Variants in INPP5A observed in about 807,000 individuals in gnomAD.
INPP5A encodes the protein inositol polyphosphate-5-phosphatase A, also known as 43 kDa inositol polyphosphate 5-phophatase.
In INPP5A, 14 loss-of-function variants were observed where a neutral mutation model predicts 65.2. The observed-to-expected ratio is 0.21, with a 90% CI of 0.14 to 0.34. The LOEUF is 0.34. Ranked by LOEUF, INPP5A falls within the 10% of genes least tolerant of loss-of-function variation. The pLI, the probability that INPP5A is intolerant of heterozygous loss-of-function variation, is 1.00. For missense variants in INPP5A, 431 were observed against 545.6 expected, an observed-to-expected ratio of 0.79 and a Z score of 2.09; for synonymous variants, 207 against 208.3, an observed-to-expected ratio of 0.99 and a Z score of 0.05.
chr10:132,601,631 A>T (rs1590859502), intron 1 of INPP5A, among the ~76,000 whole-genome samples: 1 of 152,236 alleles, frequency 6.6e-6, no homozygotes, highest in Non-Finnish European at 1.5e-5. Flanking sequence ...ATAGTTTTAG[A>T]TTTTTGATCC....
rs117614185 is a variant in INPP5A, at chr10:132,714,204, T to G, written c.647+3748T>G. On this transcript the variant is annotated intron_variant, in intron 8 of 15. Transcript: ENST00000368594. The stretch of plus-strand genomic sequence containing the variant: ...GCAGCCTTTGGGCTTTTGGGCCACT[T>G]TTCTGCGTCTCTGCATTCCCATGAA... 5.9e-4 allele frequency among the ~76,000 whole-genome samples: 90 copies of G among 152,328 alleles called. No individual in the cohort carries two copies. The East Asian group carries it at 0.014, about 24-fold the overall frequency.
intron 1 of INPP5A, among the ~76,000 whole-genome samples, chr10:132,566,263 C>T (rs778483071): frequency 2.6e-5 from 4 of 152,146 alleles, no homozygotes; most frequent in Non-Finnish European, 5.9e-5. Flanking sequence ...AAAGATTGAT[C>T]GACTTGTCAA....
chr10:132,740,583 C>T (rs149871155), intron 9 of INPP5A, among the ~76,000 whole-genome samples: 233 of 152,230 alleles, frequency 1.5e-3, no homozygotes, highest in African/African-American at 5.4e-3. Context: ...TAAGGAAAAC[C>T]CATGTAAAGT....
intron 12 of INPP5A, among the ~76,000 whole-genome samples, chr10:132,767,141 C>T (rs1277510453): frequency 1.0e-5 from 1 of 96,088 alleles, no homozygotes; most frequent in Non-Finnish European, 2.1e-5. Flanking sequence ...AGGATGCGGC[C>T]TCAGGGAGCT....
chr10:132,696,527 G>C (rs1056970022), intron 5 of INPP5A, among the ~76,000 whole-genome samples: 7 of 152,200 alleles, frequency 4.6e-5, no homozygotes, highest in African/African-American at 1.4e-4. Flanking sequence ...AGAAGACACA[G>C]AGGAGGCTGA....
rs938011906 is a variant in INPP5A at position 132,638,012 on chromosome 10, G to C, written c.118-7856G>C. Among the ~76,000 whole-genome samples, 3 of 152,114 alleles carry C rather than the reference G, an allele frequency of 2.0e-5. No individual in the cohort carries two copies. The East Asian group carries it at 5.8e-4, about 29-fold the overall frequency. On this transcript the variant is annotated intron_variant, in intron 2 of 15. Transcript: ENST00000368594. ...AATAGCACCCTCTTGTGTTGGTATT[G>C]CAAAGTCCAAGTGCATTCGCTGGCT...
Position 132,767,525 on chromosome 10 carries a change from G to A in INPP5A, c.977+1679G>A, listed in dbSNP as rs115950567. On this transcript the variant is annotated intron_variant, in intron 12 of 15. Coordinates refer to ENST00000368594, the MANE Select transcript of INPP5A (RefSeq NM_005539.5). ...CACGAGCTTCTTCCTGTTCTGCAAA[G>A]ACACCGAGGCTCCCTGCCAGGCATG... 4.0e-3 allele frequency among the ~76,000 whole-genome samples: 616 copies of A among 152,320 alleles called. 3 individuals carry two copies. Among genetic ancestry groups the A allele is most frequent in the African/African-American group, 0.014 (580 of 41,564 alleles).
At chr10:132,703,191 A>G (rs1391417568) in intron 6 of INPP5A, among the ~76,000 whole-genome samples, 3 of 152,134 alleles carry the variant, frequency 2.0e-5, no homozygotes, top group Non-Finnish European at 4.4e-5. Flanking sequence ...TGGTGATTGC[A>G]TCAGCGAGGA....
Position 132,773,870 on chromosome 10 carries a change from C to G in INPP5A, c.978-3801C>G, listed in dbSNP as rs149188077. ...CCATCTTCTGGGCTCAAGCGATTTT[C>G]CCCCCTCAGCCTCCCAAGTAGCTGG... On this transcript the variant is annotated intron_variant, in intron 12 of 15. Transcript: ENST00000368594. 4.8e-3 allele frequency among the ~76,000 whole-genome samples: 725 copies of G among 152,298 alleles called. 5 individuals carry two copies. Among genetic ancestry groups the G allele is most frequent in the African/African-American group, 0.017 (689 of 41,568 alleles).
At chr10:132,548,430 G>A (rs543311111) in intron 1 of INPP5A, among the ~76,000 whole-genome samples, 7 of 152,310 alleles carry the variant, frequency 4.6e-5, no homozygotes, top group Non-Finnish European at 7.4e-5. Flanking sequence ...CCTCGCACCC[G>A]GCCTGGGGGT....
At chr10:132,777,992 A>C (rs1487447372) in intron 13 of INPP5A, 12 of 1,357,174 alleles carry the variant, frequency 8.8e-6, no homozygotes, top group South Asian at 1.6e-5. Context: ...CAGCAGATGG[A>C]GCCGAGTTCC....
intron 4 of INPP5A, among the ~76,000 whole-genome samples, chr10:132,680,865 C>T (rs1178893986): frequency 2.0e-5 from 3 of 152,274 alleles, no homozygotes; most frequent in African/African-American, 7.2e-5. Flanking sequence ...CTCAATTTCT[C>T]GCTGGGCCTT....
At chr10:132,623,056 T>TAG in intron 2 of INPP5A, among the ~76,000 whole-genome samples, 2 of 152,382 alleles carry the variant, frequency 1.3e-5, no homozygotes, top group African/African-American at 4.8e-5. Context: ...GCTGACATGT[T>TAG]AATTCCCCAC....
At position 132,547,816 on chromosome 10, in the gene INPP5A, C is replaced by G. The variant is rs958885633; in HGVS notation, c.75+9645C>G. Among the ~76,000 whole-genome samples, 7 of 152,166 alleles carry G rather than the reference C, an allele frequency of 4.6e-5. No individual in the cohort carries two copies. The highest frequency in any genetic ancestry group is 1.7e-4 in the African/African-American group (7 of 41,448). On this transcript the variant is annotated intron_variant, in intron 1 of 15. Transcript: ENST00000368594. The surrounding 1 kb of genome is among the most constrained non-coding windows in gnomAD (Gnocchi z 5.5). ...AGTGAGTCCCAAGCTCCCTTCCTGTCATACTGTGCTTTACCGTGACTGTGG... is the reference window on the plus strand; with the variant it reads ...AGTGAGTCCCAAGCTCCCTTCCTGTGATACTGTGCTTTACCGTGACTGTGG...
Position 132,540,413 on chromosome 10 carries a change from CA to C in INPP5A, c.75+2244del, listed in dbSNP as rs2070892748. The stretch of plus-strand genomic sequence containing the variant: ...GTTTAGAAGGAACATTTGTTTAGGT[CA>C]ACAGTACATAGGTTAATTCTGAAAG... On this transcript the variant is annotated intron_variant, in intron 1 of 15. Transcript: ENST00000368594. Among the ~76,000 whole-genome samples the C allele has an allele frequency of 3.3e-5, 5 of 152,304 alleles. No homozygotes were observed. In the South Asian group the frequency reaches 1.0e-3, roughly 32 times the overall value.
chr10:132,722,722 G>T (rs1206339292), intron 8 of INPP5A, among the ~76,000 whole-genome samples: 2 of 152,208 alleles, frequency 1.3e-5, no homozygotes, highest in Non-Finnish European at 2.9e-5. Context: ...TCCTCCCAGT[G>T]CCTCCGCCGC....
intron 4 of INPP5A, among the ~76,000 whole-genome samples, chr10:132,679,341 C>T (rs995062421): frequency 6.6e-6 from 1 of 151,986 alleles, no homozygotes; most frequent in African/African-American, 2.4e-5. Context: ...GGTCTCCAGT[C>T]CTGAAAGGTC....
At chr10:132,771,062 C>A (rs1023788387) in intron 12 of INPP5A, among the ~76,000 whole-genome samples, 1 of 152,232 alleles carries the variant, frequency 6.6e-6, no homozygotes, top group Non-Finnish European at 1.5e-5. Context: ...GAGAAAATGC[C>A]TGTTAGCCAC....
chr10:132,684,340 G>T lies in INPP5A; in HGVS notation c.307-6052G>T, dbSNP rs373117518. Among the ~76,000 whole-genome samples, 10 of 152,196 alleles carry T rather than the reference G, an allele frequency of 6.6e-5. No individual in the cohort carries two copies. In the East Asian group the frequency reaches 9.6e-4, roughly 15 times the overall value. Reference sequence around the variant, plus strand: ...GAGAGCTCCAGCGTCTCTGAGAGAGGTCTGTGTGTGCATTCCACGTGTGTA... The same window carrying T: ...GAGAGCTCCAGCGTCTCTGAGAGAGTTCTGTGTGTGCATTCCACGTGTGTA... On this transcript the variant is annotated intron_variant, in intron 4 of 15. Transcript: ENST00000368594.
Sources: gnomAD v4.1 joint callset for allele counts (sites outside exome capture counted in the v4.1 genomes callset) on GRCh38, gnomAD v4.1.1 for gene constraint, Gnocchi (gnomAD v3.1) non-coding constraint, MANE v1.5 for transcripts, NCBI Gene and HGNC (gene_info 2026-07-23, HGNC 2026-07-21) for gene names.